The following DUSP22 variants were observed in gnomAD, a reference collection of about 807,000 sequenced individuals.
The protein encoded by DUSP22 is dual specificity phosphatase 22, also known as dual specificity protein phosphatase 22.
A neutral mutation model predicts 24.5 loss-of-function variants in DUSP22; 24 were observed. That is an observed-to-expected ratio of 0.98 (90% CI 0.71 to 1.38). The LOEUF (loss-of-function observed/expected upper bound fraction) is 1.38, where lower values mean the gene tolerates loss of function less well. DUSP22 is among the 40% of genes most tolerant of loss of function. The probability of loss-of-function intolerance (pLI) is 0.00; values close to 1 mark genes in which losing one functional copy is unlikely to be tolerated. For synonymous variants in DUSP22, 160 were observed against 106.4 expected, an observed-to-expected ratio of 1.50 and a Z score of -3.10; for missense variants, 330 against 269.2, an observed-to-expected ratio of 1.23 and a Z score of -1.58.
Position 348,171 on chromosome 6 carries a change from G to A in DUSP22, c.332G>A (p.Trp111Ter), listed in dbSNP as rs1759978387. 6.2e-7 allele frequency: 1 copy of A among 1,614,298 alleles called. No homozygotes were observed. Among genetic ancestry groups the A allele is most frequent in the Non-Finnish European group, 8.5e-7 (1 of 1,180,058 alleles). Reference sequence around the variant, plus strand: ...ATCATGACCGTCACTGACTTTGGCTGGGAGGATGCCCTGCACACCGTGCGT... The same window carrying A: ...ATCATGACCGTCACTGACTTTGGCTAGGAGGATGCCCTGCACACCGTGCGT... Reference protein sequence around the residue: ...AYIMTVTDFGWEDALHTVRAG... With the variant: ...AYIMTVTDFG Residue 111 changes from tryptophan (W) to a stop codon, truncating the protein, a stop_gained, in exon 6 of 7, where the codon TGG becomes TAG. Transcript: ENST00000419235. LOFTEE classifies it high-confidence loss of function.
intron 4 of DUSP22, among the ~76,000 whole-genome samples, chr6:339,910 T>C (rs1301567953): frequency 2.0e-5 from 3 of 152,306 alleles, no homozygotes; most frequent in Admixed American, 2.0e-4. Context: ...ACTACTGTGG[T>C]CCTGCTTCCA....
intron 4 of DUSP22, chr6:337,002 T>A (rs1759386803): frequency 6.6e-6 from 1 of 152,452 alleles, no homozygotes; most frequent in African/African-American, 2.4e-5. Context: ...GATTGGCAAT[T>A]TGATTCTTTA....
intron 1 of DUSP22, among the ~76,000 whole-genome samples, chr6:293,329 GC>G (rs1757180933): frequency 6.6e-6 from 1 of 152,298 alleles, no homozygotes; most frequent in African/African-American, 2.4e-5. Context: ...GCTGAGAGTT[GC>G]CGGGGTGTAT....
At chr6:341,350 G>T (rs554693840) in intron 4 of DUSP22, among the ~76,000 whole-genome samples, 1 of 152,308 alleles carries the variant, frequency 6.6e-6, no homozygotes, top group Non-Finnish European at 1.5e-5. Context: ...CTTCAGACTC[G>T]CACTTCTGCT....
chr6:331,247 A>T (rs935337546), intron 3 of DUSP22, among the ~76,000 whole-genome samples: 1 of 152,310 alleles, frequency 6.6e-6, no homozygotes, highest in African/African-American at 2.4e-5. Context: ...AAAGTGCTGA[A>T]TTCTTATTTA....
At chr6:308,170 G>A (rs1346203265) in intron 2 of DUSP22, among the ~76,000 whole-genome samples, 1 of 151,104 alleles carries the variant, frequency 6.6e-6, no homozygotes, top group East Asian at 1.9e-4. Context: ...TTGATGCTCT[G>A]CTGCCGGTTG....
intron 3 of DUSP22, chr6:325,096 G>A (rs1001562217): frequency 3.7e-5 from 7 of 187,866 alleles, no homozygotes; most frequent in Admixed American, 6.3e-5. Flanking sequence ...CCGCATCCTC[G>A]TGTGTGCAGT....
Position 311,975 on chromosome 6 carries a change from C to T in DUSP22, c.138+13C>T, listed in dbSNP as rs750316438. 28 of 1,607,356 alleles carry T rather than the reference C, an allele frequency of 1.7e-5. No homozygotes were observed. The highest frequency in any genetic ancestry group is 1.7e-4 in the Middle Eastern group (1 of 6,054). ...GCCTATGTTGGAGGTAAGAGAGCAC[C>T]GTGGGGCGTGTGTGGGTGTCCTCAT... is the stretch of plus-strand genomic sequence containing the variant. On this transcript the variant is annotated intron_variant, in intron 3 of 6. Transcript: ENST00000419235.
intron 1 of DUSP22, among the ~76,000 whole-genome samples, chr6:294,523 A>G (rs1757239460): frequency 1.3e-5 from 2 of 152,412 alleles, no homozygotes; most frequent in South Asian, 2.1e-4. Flanking sequence ...TTAATAATAT[A>G]TTTTATTTAA....
At chr6:321,990 G>A (rs9503248) in intron 3 of DUSP22, among the ~76,000 whole-genome samples, 9,375 of 149,386 alleles carry the variant, frequency 0.063, 16 homozygotes, top group East Asian at 0.23. Flanking sequence ...TAGAAATACA[G>A]GTCCAGGGCT....
At chr6:324,008 A>G (rs1217336521) in intron 3 of DUSP22, among the ~76,000 whole-genome samples, 2 of 152,304 alleles carry the variant, frequency 1.3e-5, no homozygotes, top group Non-Finnish European at 2.9e-5. Flanking sequence ...AGATCTCATA[A>G]CTAGCAAAGG....
At chr6:346,710 A>G (rs1441689208) in intron 5 of DUSP22, among the ~76,000 whole-genome samples, 1 of 152,304 alleles carries the variant, frequency 6.6e-6, no homozygotes, top group Non-Finnish European at 1.5e-5. Context: ...GTTATTAATT[A>G]ACTGGAAGCC....
At chr6:302,116 C>A (rs1264292481) in intron 1 of DUSP22, among the ~76,000 whole-genome samples, 1 of 152,304 alleles carries the variant, frequency 6.6e-6, no homozygotes, top group Non-Finnish European at 1.5e-5. Flanking sequence ...ATGCAGAAGC[C>A]CTCCTCCAGG....
chr6:335,217 A>C, intron 4 of DUSP22, 54 bp downstream of exon 4: 1 of 1,593,900 alleles, frequency 6.3e-7, no homozygotes, highest in Non-Finnish European at 8.6e-7. Context: ...TGAATAGAGG[A>C]TGGTAAAGTC....
At chr6:303,017 G>A (rs7754000) in intron 1 of DUSP22, among the ~76,000 whole-genome samples, 8,256 of 149,680 alleles carry the variant, frequency 0.055, 18 homozygotes, top group Non-Finnish European at 0.081. Flanking sequence ...GTTGAGAAAA[G>A]GACTCAGAGG....
chr6:324,372 A>G (rs1475251825), intron 3 of DUSP22, among the ~76,000 whole-genome samples: 1 of 152,306 alleles, frequency 6.6e-6, no homozygotes, highest in Non-Finnish European at 1.5e-5. Context: ...AGAGCAAGGA[A>G]CACGCTCTCC....
chr6:332,887 A>AG (rs1182569581), intron 3 of DUSP22, among the ~76,000 whole-genome samples: 1 of 152,296 alleles, frequency 6.6e-6, no homozygotes, highest in African/African-American at 2.4e-5. Flanking sequence ...AGAGTGTGGG[A>AG]GGAAAGGATT....
At chr6:338,835 T>A (rs1298299547) in intron 4 of DUSP22, among the ~76,000 whole-genome samples, 2 of 152,306 alleles carry the variant, frequency 1.3e-5, no homozygotes, top group African/African-American at 4.8e-5. Flanking sequence ...TCTGGCAAGT[T>A]ATGCTTAGTA....
chr6:301,054 G>A (rs959843779), intron 1 of DUSP22, among the ~76,000 whole-genome samples: 5 of 152,298 alleles, frequency 3.3e-5, no homozygotes, highest in Admixed American at 1.3e-4. Flanking sequence ...CTTGTTACAC[G>A]TGGGTCACAC....
Sources: gnomAD v4.1 joint callset for allele counts (sites outside exome capture counted in the v4.1 genomes callset) on GRCh38, gnomAD v4.1.1 for gene constraint, MANE v1.5 for transcripts, NCBI Gene and HGNC (gene_info 2026-07-23, HGNC 2026-07-21) for gene names.